Variants in SVEP1 observed in about 807,000 individuals in gnomAD.
SVEP1 encodes the protein sushi, von Willebrand factor type A, EGF and pentraxin domain containing 1.
Under a neutral mutation model 367.3 loss-of-function variants are expected in SVEP1, and 164 were observed. That is an observed-to-expected ratio of 0.45 (90% CI 0.39 to 0.51). The LOEUF is 0.51. SVEP1 is among the 20% of genes least tolerant of loss of function. The pLI is 0.00. For missense variants in SVEP1, 4,117 were observed against 4,425.3 expected (o/e 0.93, Z 1.98); for synonymous variants, 1,666 against 1,611.6 (o/e 1.03, Z -0.81).
At chr9:110,465,464 A>G (rs1339130746) in intron 18 of SVEP1, among the ~76,000 whole-genome samples, 1 of 152,240 alleles carries the variant, frequency 6.6e-6, no homozygotes, top group Non-Finnish European at 1.5e-5. Flanking sequence ...TTCAACTCGT[A>G]AGGAATGAAA....
chr9:110,543,518 G>T (rs1356902810), intron 3 of SVEP1, among the ~76,000 whole-genome samples: 2 of 152,148 alleles, frequency 1.3e-5, no homozygotes, highest in Non-Finnish European at 2.9e-5. Context: ...ATGTGTTATT[G>T]GTAGTAGACA....
At chr9:110,432,691 A>G in intron 30 of SVEP1, 56 bp from the exon 31 acceptor site, 1 of 1,535,132 alleles carries the variant, frequency 6.5e-7, no homozygotes, top group Non-Finnish European at 8.8e-7. Context: ...CTCCAAGAAC[A>G]CTTTATTTGT....
intron 39 of SVEP1, 97 bp downstream of exon 39, chr9:110,404,230 C>CTTTTTT: frequency 8.2e-7 from 1 of 1,213,844 alleles, no homozygotes; most frequent in South Asian, 1.6e-5. Context: ...AAACTTCAGA[C>CTTTTTT]TTTTTTTTCT....
rs1829453815 is a variant in SVEP1, at chr9:110,496,803, C to G, written c.1800+12G>C. 1 of 1,538,534 alleles carries G rather than the reference C, an allele frequency of 6.5e-7. No homozygotes were observed. Among genetic ancestry groups the G allele is most frequent in the African/African-American group, 1.4e-5 (1 of 72,778 alleles). ...CATTTGAAAAGGATGCACATAATTG[C>G]ACAAACCTTACCTTTTCACCAGAGT... On this transcript the variant is annotated intron_variant, in intron 8 of 47. Transcript: ENST00000374469.
rs548144265 is a variant in SVEP1 at position 110,454,111 on chromosome 9, C to T, written c.3787+1479G>A. On this transcript the variant is annotated intron_variant, in intron 22 of 47. Coordinates refer to ENST00000374469, the MANE Select transcript of SVEP1 (RefSeq NM_153366.4). Reference sequence around the variant, plus strand: ...CTCCTTATAGATTCTGAATACTAGGCCTTTGTCAGATGCATAGTTTTCAAA... The same window carrying T: ...CTCCTTATAGATTCTGAATACTAGGTCTTTGTCAGATGCATAGTTTTCAAA... 3.9e-5 allele frequency among the ~76,000 whole-genome samples: 6 copies of T among 152,152 alleles called. No homozygotes were observed. The East Asian group carries it at 9.7e-4, about 25-fold the overall frequency.
At chr9:110,525,124 A>G (rs1829924742) in intron 3 of SVEP1, among the ~76,000 whole-genome samples, 1 of 152,196 alleles carries the variant, frequency 6.6e-6, no homozygotes, top group Non-Finnish European at 1.5e-5. Context: ...AAAATGAAAT[A>G]AAACGTATTC....
At chr9:110,537,945 A>G (rs1293481653) in intron 3 of SVEP1, among the ~76,000 whole-genome samples, 1 of 151,724 alleles carries the variant, frequency 6.6e-6, no homozygotes, top group Non-Finnish European at 1.5e-5. Flanking sequence ...TTTATTGGAG[A>G]GAGTCTCTTA....
chr9:110,406,036 A>T, intron 38 of SVEP1, 124 bp downstream of exon 38: 1 of 1,228,032 alleles, frequency 8.1e-7, no homozygotes, highest in Non-Finnish European at 1.1e-6. Context: ...TGTTAAAAGC[A>T]CCAGTGTTTG....
intron 1 of SVEP1, among the ~76,000 whole-genome samples, chr9:110,559,516 A>G (rs1427128643): frequency 6.6e-6 from 1 of 152,116 alleles, no homozygotes; most frequent in Non-Finnish European, 1.5e-5. Context: ...AAAAATAGTA[A>G]CACTGTTTTT....
At position 110,433,411 on chromosome 9, in the gene SVEP1, A is replaced by G. The variant is rs1229574792; in HGVS notation, c.5060-776T>C. ...AACGGTGAATATATCAGGTGGTAACAGGTGCTTATCTAAAATAGCAGTCTA... is the reference window on the plus strand; with the variant it reads ...AACGGTGAATATATCAGGTGGTAACGGGTGCTTATCTAAAATAGCAGTCTA... On this transcript the variant is annotated intron_variant, in intron 30 of 47. Transcript: ENST00000374469. 3.4e-5 allele frequency among the ~76,000 whole-genome samples: 5 copies of G among 145,330 alleles called. No individual in the cohort carries two copies. In the East Asian group the frequency reaches 1.0e-3, roughly 30 times the overall value.
At chr9:110,393,172 TTTC>T (rs1186397404) in intron 40 of SVEP1, among the ~76,000 whole-genome samples, 22 of 152,332 alleles carry the variant, frequency 1.4e-4, no homozygotes, top group African/African-American at 5.1e-4. Flanking sequence ...TTATATTACT[TTTC>T]TTCTTAATAA....
At chr9:110,488,260 T>C (rs1055957538) in intron 9 of SVEP1, among the ~76,000 whole-genome samples, 2 of 152,090 alleles carry the variant, frequency 1.3e-5, no homozygotes, top group Non-Finnish European at 2.9e-5. Flanking sequence ...GAGACATTAA[T>C]ATGGGGAAAG....
intron 40 of SVEP1, among the ~76,000 whole-genome samples, chr9:110,399,557 G>T (rs1342585893): frequency 6.6e-6 from 1 of 152,022 alleles, no homozygotes; most frequent in Non-Finnish European, 1.5e-5. Context: ...TTTTGAGACA[G>T]GGTTTCACTC....
At chr9:110,564,577 T>C (rs1327038039) in intron 1 of SVEP1, among the ~76,000 whole-genome samples, 1 of 152,210 alleles carries the variant, frequency 6.6e-6, no homozygotes, top group Non-Finnish European at 1.5e-5. Context: ...GTTATAGTTA[T>C]CTTAAATTCA....
chr9:110,367,142 T>TGCCTGTACAA (rs1325018223), intron 47 of SVEP1, among the ~76,000 whole-genome samples: 2 of 152,216 alleles, frequency 1.3e-5, no homozygotes, highest in Non-Finnish European at 2.9e-5. Context: ...GCGACTTTTG[T>TGCCTGTACAA]GCCTGTACAA....
At chr9:110,571,128 C>T (rs1287369204) in intron 1 of SVEP1, among the ~76,000 whole-genome samples, 2 of 151,918 alleles carry the variant, frequency 1.3e-5, no homozygotes, top group African/African-American at 2.4e-5. Context: ...TGGCATGTGC[C>T]ACCACAGATG....
chr9:110,466,230 T>G (rs1271532832), intron 17 of SVEP1, among the ~76,000 whole-genome samples: 1 of 152,166 alleles, frequency 6.6e-6, no homozygotes, highest in African/African-American at 2.4e-5. Flanking sequence ...ACTGTTTCCA[T>G]TTACTTCCAT....
intron 36 of SVEP1, 69 bp from the exon 37 acceptor site, chr9:110,411,804 C>T (rs1307403267): frequency 1.5e-6 from 2 of 1,363,358 alleles, no homozygotes; most frequent in Non-Finnish European, 1.9e-6. Flanking sequence ...GTGTCTTCTT[C>T]TATTTTTTAA....
chr9:110,520,030 A>AT (rs1283665654), intron 3 of SVEP1, among the ~76,000 whole-genome samples: 1 of 152,166 alleles, frequency 6.6e-6, no homozygotes, highest in East Asian at 1.9e-4. Flanking sequence ...TTTATAAATT[A>AT]TTTTTTAAAA....
Sources: allele counts gnomAD v4.1 joint callset (sites outside exome capture counted in the v4.1 genomes callset), GRCh38; gene constraint gnomAD v4.1.1; transcripts MANE v1.5; gene names NCBI Gene and HGNC (gene_info 2026-07-23, HGNC 2026-07-21).